Variants in SPTB observed in about 807,000 individuals in gnomAD.
SPTB encodes spectrin beta chain, erythrocytic.
A neutral mutation model predicts 256.2 loss-of-function variants in SPTB; 45 were observed. The observed-to-expected ratio is 0.18, with a 90% CI of 0.14 to 0.23. The LOEUF is 0.23. Ranked by LOEUF, SPTB falls within the 10% of genes least tolerant of loss-of-function variation. The pLI, the probability that SPTB is intolerant of heterozygous loss-of-function variation, is 1.00. For synonymous variants in SPTB, 1,231 were observed against 1,243.1 expected (o/e 0.99, Z 0.21); for missense variants, 2,715 against 3,040.4 (o/e 0.89, Z 2.52).
rs1450316068 is a variant in SPTB, at chr14:64,866,719, G to A, written c.-52+13073C>T. ...CGTTGGTGAGGCTCACTTTTTGTCCGGGTAAGGCAGAAATGAGGGCAGAAC... is the reference window on the plus strand; with the variant it reads ...CGTTGGTGAGGCTCACTTTTTGTCCAGGTAAGGCAGAAATGAGGGCAGAAC... On this transcript the variant is annotated intron_variant, in intron 1 of 35. Coordinates refer to ENST00000644917, the MANE Select transcript of SPTB (RefSeq NM_001355436.2). This position sits in a 1 kb window ranked among gnomAD's most constrained non-coding sequence, Gnocchi z 4.6. Among the ~76,000 whole-genome samples the A allele has an allele frequency of 2.0e-5, 3 of 152,054 alleles. No individual in the cohort carries two copies. The highest frequency in any genetic ancestry group is 2.1e-4 in the South Asian group (1 of 4,824).
intron 1 of SPTB, among the ~76,000 whole-genome samples, chr14:64,875,836 A>C (rs973019444): frequency 1.3e-5 from 2 of 152,202 alleles, no homozygotes; most frequent in Non-Finnish European, 2.9e-5. Context: ...ATCAGCCCAC[A>C]TAGCACAGTT....
intron 1 of SPTB, among the ~76,000 whole-genome samples, chr14:64,840,650 C>T (rs956270464): frequency 3.9e-5 from 6 of 152,312 alleles, no homozygotes; most frequent in South Asian, 4.1e-4. Flanking sequence ...TATTCACACA[C>T]CTCACCTGGC....
rs771875005 is a variant in SPTB at position 64,823,022 on chromosome 14, C to A, written c.73G>T (p.Ala25Ser). 2 of 1,614,154 alleles carry A rather than the reference C, an allele frequency of 1.2e-6. No individual in the cohort carries two copies. Among genetic ancestry groups the A allele is most frequent in the Non-Finnish European group, 1.7e-6 (2 of 1,180,034 alleles). The change falls in exon 2 of 36, where the codon GCC becomes TCC. Residue 25 changes from alanine to serine, a missense_variant. Physicochemically the swap from Ala to Ser is moderately conservative, Grantham distance 99 (BLOSUM62 1). Transcript: ENST00000644917. The surrounding 1 kb of genome is among the most constrained non-coding windows in gnomAD (Gnocchi z 6.5). ...TCATTATCCAGCTCGTCGTCTGGGGCGTCCCAGCGGGCATTGATCCTGCTG... is the reference window on the plus strand; with the variant it reads ...TCATTATCCAGCTCGTCGTCTGGGGAGTCCCAGCGGGCATTGATCCTGCTG... ...PYSRINARWD[A>S]PDDELDNDNS...
In SPTB at chr14:64,797,751, T is replaced by C. The variant is rs2082804106; in HGVS notation, c.1160A>G (p.Lys387Arg). ...NQKVYTPHDG[K>R]LVSDINRAWE... ...TACCCTGTTGATGTCAGACACTAGTTTCCCATCGTGGGGTGTGTACACTTT... is the reference window on the plus strand; with the variant it reads ...TACCCTGTTGATGTCAGACACTAGTCTCCCATCGTGGGGTGTGTACACTTT... The change falls in exon 10 of 36, where the codon AAA (lysine) becomes AGA (arginine). Residue 387 changes from lysine to arginine, a missense_variant. Lys to Arg is a conservative substitution (Grantham distance 26). Around this residue, in one of 4 missense-constraint regions of SPTB, gnomAD observed 416 missense variants for 571.1 expected, o/e 0.73. Coordinates refer to ENST00000644917, the MANE Select transcript of SPTB (RefSeq NM_001355436.2). 1 of 1,613,640 alleles carries C rather than the reference T, an allele frequency of 6.2e-7. No homozygotes were observed. The highest frequency in any genetic ancestry group is 1.7e-5 in the Admixed American group (1 of 59,996).
At chr14:64,859,125 G>A (rs977828364) in intron 1 of SPTB, among the ~76,000 whole-genome samples, 3 of 149,076 alleles carry the variant, frequency 2.0e-5, no homozygotes, top group East Asian at 3.9e-4. Context: ...GTGGTGGCAC[G>A]TGCCTATAGT....
chr14:64,785,497 G>C lies in SPTB; in HGVS notation c.3855+40C>G. 1.3e-6 allele frequency: 2 copies of C among 1,557,912 alleles called. No homozygotes were observed. Among genetic ancestry groups the C allele is most frequent in the Non-Finnish European group, 8.8e-7 (1 of 1,141,006 alleles). On this transcript the variant is annotated intron_variant, in intron 18 of 35. Transcript: ENST00000644917. This position sits in a 1 kb window ranked among gnomAD's most constrained non-coding sequence, Gnocchi z 4.4. ...TTGAGGGAACTCTGCTTCTAGAAAG[G>C]AATCTCCAGGAAAGCAGCCACTCCT... is the stretch of plus-strand genomic sequence containing the variant.
At chr14:64,822,622 G>A (rs1329923580) in intron 2 of SPTB, among the ~76,000 whole-genome samples, 1 of 151,972 alleles carries the variant, frequency 6.6e-6, no homozygotes, top group Non-Finnish European at 1.5e-5. Flanking sequence ...GTGAACCTGC[G>A]CCCGGCTGTC....
intron 1 of SPTB, among the ~76,000 whole-genome samples, chr14:64,877,034 T>C (rs1008521860): frequency 6.6e-6 from 1 of 152,022 alleles, no homozygotes; most frequent in Admixed American, 6.6e-5. Context: ...CCCTTCCCTC[T>C]CCAATAGTGT....
rs866712643 is a variant in SPTB, at chr14:64,758,535, C to T, written c.6346-4742G>A. ...CCCCAGGTCCGGCCAAAGACAACGGCGTGCTGCTGAGTGGAGGGCTCTGGT... is the reference window on the plus strand; with the variant it reads ...CCCCAGGTCCGGCCAAAGACAACGGTGTGCTGCTGAGTGGAGGGCTCTGGT... On this transcript the variant is annotated intron_variant, in intron 32 of 35. Coordinates refer to ENST00000644917, the MANE Select transcript of SPTB (RefSeq NM_001355436.2). This position sits in a 1 kb window ranked among gnomAD's most constrained non-coding sequence, Gnocchi z 4.6. Among the ~76,000 whole-genome samples, 3 of 152,244 alleles carry T rather than the reference C, an allele frequency of 2.0e-5. No individual in the cohort carries two copies. The highest frequency in any genetic ancestry group is 6.5e-5 in the Admixed American group (1 of 15,288).
rs1231952359 is a variant in SPTB at position 64,853,723 on chromosome 14, G to A, written c.-52+26069C>T. On this transcript the variant is annotated intron_variant, in intron 1 of 35. Transcript: ENST00000644917. This position sits in a 1 kb window ranked among gnomAD's most constrained non-coding sequence, Gnocchi z 4.3. ...CCTGAACTTATCTATAGGCAAGAGT[G>A]AAACAGCAAGAGAGAGGGAAGGATT... is the stretch of plus-strand genomic sequence containing the variant. 6.6e-6 allele frequency among the ~76,000 whole-genome samples: 1 copy of A among 152,190 alleles called. No homozygotes were observed. The highest frequency in any genetic ancestry group is 1.5e-5 in the Non-Finnish European group (1 of 68,036).
In SPTB at chr14:64,796,476, G is replaced by A; in HGVS notation, c.1341+81C>T. The A allele has an allele frequency of 6.3e-7, 1 of 1,597,576 alleles. No individual in the cohort carries two copies. The highest frequency in any genetic ancestry group is 8.6e-7 in the Non-Finnish European group (1 of 1,168,558). On this transcript the variant is annotated intron_variant, in intron 11 of 35. Transcript: ENST00000644917. The surrounding 1 kb of genome is among the most constrained non-coding windows in gnomAD (Gnocchi z 4.1). ...CACGAGGAGAGGCTGTGAGAAGCCA[G>A]CTTGGACTCCAGCCCAGCCAAGAGC...
At chr14:64,750,946 A>G (rs1212395327) in intron 33 of SPTB, among the ~76,000 whole-genome samples, 1 of 120,976 alleles carries the variant, frequency 8.3e-6, no homozygotes, top group African/African-American at 3.8e-5. Context: ...CATATACTAT[A>G]TAATACATAT....
At chr14:64,774,247 A>C in intron 24 of SPTB, 150 bp downstream of exon 24, 2 of 1,081,170 alleles carry the variant, frequency 1.8e-6, no homozygotes, top group African/African-American at 1.6e-5. Flanking sequence ...ATGAAATTGG[A>C]TCCATCACCA....
intron 27 of SPTB, among the ~76,000 whole-genome samples, chr14:64,770,226 C>T (rs1193038101): frequency 6.6e-6 from 1 of 152,126 alleles, no homozygotes; most frequent in Non-Finnish European, 1.5e-5. Context: ...AATCTTCTAA[C>T]CTTAGATTGT....
Position 64,764,084 on chromosome 14 carries a change from CCA to C in SPTB, c.6345+2640_6345+2641del, listed in dbSNP as rs1488595382. 6.6e-6 allele frequency among the ~76,000 whole-genome samples: 1 copy of C among 152,254 alleles called. No individual in the cohort carries two copies. Among genetic ancestry groups the C allele is most frequent in the Non-Finnish European group, 1.5e-5 (1 of 68,042 alleles). ...TATTCTGTAGGGCACCGACACCAGA[CCA>C]CACACAGAGGACCAGCAGGAGAGCC... On this transcript the variant is annotated intron_variant, in intron 32 of 35. Transcript: ENST00000644917. This position sits in a 1 kb window ranked among gnomAD's most constrained non-coding sequence, Gnocchi z 4.2.
chr14:64,872,217 T>A (rs1882574024), intron 1 of SPTB, among the ~76,000 whole-genome samples: 1 of 152,228 alleles, frequency 6.6e-6, no homozygotes, highest in Non-Finnish European at 1.5e-5. Context: ...TTTTTGTTCA[T>A]CCAGTTGTTC....
Position 64,772,984 on chromosome 14 carries a change from A to AC in SPTB, c.5179-31_5179-30insG. On this transcript the variant is annotated intron_variant, in intron 25 of 35. Transcript: ENST00000644917. The surrounding 1 kb of genome is among the most constrained non-coding windows in gnomAD (Gnocchi z 5.4). ...GCATGGGGCAGACAGAAATGTGGTT[A>AC]TGGGGGGCACAGGGGTTACAGGTGT... 1 of 1,591,798 alleles carries AC rather than the reference A, an allele frequency of 6.3e-7. No homozygotes were observed. Among genetic ancestry groups the AC allele is most frequent in the Non-Finnish European group, 8.5e-7 (1 of 1,171,974 alleles).
Position 64,779,931 on chromosome 14 carries a change from G to T in SPTB, c.4267C>A (p.Arg1423=). 2 of 1,613,530 alleles carry T rather than the reference G, an allele frequency of 1.2e-6. No individual in the cohort carries two copies. The highest frequency in any genetic ancestry group is 1.7e-6 in the Non-Finnish European group (2 of 1,179,722). Residue 1423 remains arginine (R), a splice_region_variant and synonymous_variant, in exon 21 of 36, where the codon CGA becomes AGA. Transcript: ENST00000644917. This position sits in a 1 kb window ranked among gnomAD's most constrained non-coding sequence, Gnocchi z 4.2. ...CGCACATTCACTTGGTCCTCCACTC[G>T]CTGAGACACAAGGGGACGGTGTCAG... ...SVNRMLAKLK[R]VEDQVNVRKE... is the part of the protein sequence containing the mutation.
rs1187766948 is a variant in SPTB at position 64,771,019 on chromosome 14, C to T, written c.5664G>A (p.Leu1888=). 6.2e-7 allele frequency: 1 copy of T among 1,614,178 alleles called. No homozygotes were observed. Among genetic ancestry groups the T allele is most frequent in the South Asian group, 1.1e-5 (1 of 91,092 alleles). The change falls in exon 27 of 36, where the codon CTG becomes CTA. Residue 1888 remains leucine (L), a synonymous_variant. Transcript: ENST00000644917. ...EQEVSAAWQA[L]LDACAGRRTQ... is the part of the protein sequence containing the mutation. ...TCCGGCGCCCGGCACAGGCATCGAGCAGCGCCTGCCACGCGGCAGACACCT... is the reference window on the plus strand; with the variant it reads ...TCCGGCGCCCGGCACAGGCATCGAGTAGCGCCTGCCACGCGGCAGACACCT...
Sources: allele counts gnomAD v4.1 joint callset (sites outside exome capture counted in the v4.1 genomes callset), GRCh38; gene constraint gnomAD v4.1.1; regional missense constraint gnomAD v4.1.1; non-coding constraint Gnocchi (gnomAD v3.1); transcripts MANE v1.5; gene names NCBI Gene and HGNC (gene_info 2026-07-23, HGNC 2026-07-21).